The following NIBAN1 variants were observed in gnomAD, a reference collection of about 807,000 sequenced individuals.
The protein encoded by NIBAN1 is protein Niban 1.
In NIBAN1, 81 loss-of-function variants were observed where a neutral mutation model predicts 75.1. That is an observed-to-expected ratio of 1.08 (90% CI 0.90 to 1.30). NIBAN1 has a LOEUF of 1.30. Among genes scored for constraint, NIBAN1 ranks in the 50% most tolerant of loss-of-function variants. The pLI, the probability that NIBAN1 is intolerant of heterozygous loss-of-function variation, is 0.00. For missense variants in NIBAN1, 1,133 were observed against 1,128.1 expected (o/e 1.00, Z -0.06); for synonymous variants, 436 against 424.8 (o/e 1.03, Z -0.32).
chr1:184,913,137 G>GTATATATATATATATATGATATA (rs56098797), intron 1 of NIBAN1, among the ~76,000 whole-genome samples: 1 of 109,750 alleles, frequency 9.1e-6, no homozygotes, highest in Admixed American at 9.5e-5. Flanking sequence ...TATCATGCAG[G>GTATATATATATATATATGATATA]TATATATATA....
chr1:184,965,848 G>A (rs1014024966), intron 1 of NIBAN1, among the ~76,000 whole-genome samples: 38 of 152,190 alleles, frequency 2.5e-4, no homozygotes, highest in African/African-American at 9.2e-4. Flanking sequence ...GACTGATCAA[G>A]TCTCACTATC....
intron 12 of NIBAN1, among the ~76,000 whole-genome samples, chr1:184,802,925 C>T (rs1031192391): frequency 4.6e-5 from 7 of 152,144 alleles, no homozygotes; most frequent in African/African-American, 1.7e-4. Context: ...GGCTTAACCA[C>T]TCAGGTTTCC....
intron 5 of NIBAN1, among the ~76,000 whole-genome samples, chr1:184,877,222 T>C (rs762932053): frequency 5.9e-5 from 9 of 152,074 alleles, no homozygotes; most frequent in Admixed American, 3.9e-4. Flanking sequence ...AATATAATAC[T>C]GAACAAAAAG....
chr1:184,863,253 C>A (rs1313255714), intron 5 of NIBAN1, among the ~76,000 whole-genome samples: 1 of 152,162 alleles, frequency 6.6e-6, no homozygotes, highest in African/African-American at 2.4e-5. Context: ...CTACTGATAC[C>A]TTATTCTTAG....
rs1654382631 is a variant in NIBAN1 at position 184,811,636 on chromosome 1, C to G, written c.1174-3401G>C. Among the ~76,000 whole-genome samples, 4 of 151,354 alleles carry G rather than the reference C, an allele frequency of 2.6e-5. No homozygotes were observed. In the South Asian group the frequency reaches 8.4e-4, roughly 32 times the overall value. On this transcript the variant is annotated intron_variant, in intron 9 of 13. Coordinates refer to ENST00000367511, the MANE Select transcript of NIBAN1 (RefSeq NM_052966.4). ...CTCTTGCCTCAGCTGGGACTACAGG[C>G]ACCCCGCCACCACGCCCGGCTAATT...
rs567079914 is a variant in NIBAN1 at position 184,907,724 on chromosome 1, G to T, written c.56-8415C>A. On this transcript the variant is annotated intron_variant, in intron 1 of 13. Transcript: ENST00000367511. ...TGCCTTAGAGAACGGGGATAAATTG[G>T]ATTCTCCATAATTGAACTGAAGGGA... 2.6e-5 allele frequency among the ~76,000 whole-genome samples: 4 copies of T among 152,288 alleles called. No individual in the cohort carries two copies. In the South Asian group the frequency reaches 8.3e-4, roughly 32 times the overall value.
intron 9 of NIBAN1, among the ~76,000 whole-genome samples, chr1:184,812,034 C>T (rs911462006): frequency 2.0e-5 from 3 of 152,180 alleles, no homozygotes; most frequent in Admixed American, 6.5e-5. Context: ...AAGATCCTTT[C>T]GCTACTAACT....
chr1:184,886,788 A>C (rs1656536717), intron 4 of NIBAN1, among the ~76,000 whole-genome samples: 1 of 152,186 alleles, frequency 6.6e-6, no homozygotes, highest in East Asian at 1.9e-4. Flanking sequence ...AATACAAGGA[A>C]ATGAATCATG....
chr1:184,913,568 C>T (rs1657304973), intron 1 of NIBAN1, among the ~76,000 whole-genome samples: 1 of 152,148 alleles, frequency 6.6e-6, no homozygotes, highest in South Asian at 2.1e-4. Context: ...ATGGCAGTTA[C>T]ATATAATTGA....
intron 5 of NIBAN1, among the ~76,000 whole-genome samples, chr1:184,855,322 G>C (rs183972910): frequency 2.4e-4 from 37 of 152,292 alleles, no homozygotes; most frequent in Admixed American, 2.4e-3. Flanking sequence ...AGCATCCTTA[G>C]CAGCTGGGCA....
intron 3 of NIBAN1, among the ~76,000 whole-genome samples, chr1:184,890,689 G>C (rs534025208): frequency 2.1e-4 from 32 of 152,292 alleles, no homozygotes; most frequent in African/African-American, 7.0e-4. Context: ...AGTTACCATG[G>C]ATTTTCATCA....
At chr1:184,934,764 G>A (rs529443424) in intron 1 of NIBAN1, among the ~76,000 whole-genome samples, 10 of 150,900 alleles carry the variant, frequency 6.6e-5, no homozygotes, top group African/African-American at 9.8e-5. Context: ...GCATGGTGGC[G>A]CATGACTGTA....
intron 1 of NIBAN1, among the ~76,000 whole-genome samples, chr1:184,917,860 T>A (rs1194828287): frequency 6.6e-6 from 1 of 152,194 alleles, no homozygotes; most frequent in Non-Finnish European, 1.5e-5. Flanking sequence ...CCCTCTTTTT[T>A]ACCCTTAACC....
chr1:184,970,996 GAA>G (rs1200898244), intron 1 of NIBAN1, among the ~76,000 whole-genome samples: 2 of 152,152 alleles, frequency 1.3e-5, no homozygotes, highest in East Asian at 3.9e-4. Flanking sequence ...AAGCTTTACA[GAA>G]AAAGAGGCCG....
In NIBAN1 at chr1:184,974,361, G is replaced by T; in HGVS notation, c.-5C>A. 6.4e-7 allele frequency: 1 copy of T among 1,555,846 alleles called. No individual in the cohort carries two copies. On this transcript the variant is annotated 5_prime_UTR_variant, in exon 1 of 14. Transcript: ENST00000367511. Reference sequence around the variant, plus strand: ...GCTGGAGGCTGAGCCGCCCATGACCGCGAGCTGCCTGTGCTGAGCGCGGAA... The same window carrying T: ...GCTGGAGGCTGAGCCGCCCATGACCTCGAGCTGCCTGTGCTGAGCGCGGAA...
At position 184,795,497 on chromosome 1, in the gene NIBAN1, GC is replaced by G. The variant is rs748904031; in HGVS notation, c.2266del (p.Ala756LeufsTer36). On this transcript the variant is annotated frameshift_variant, in exon 14 of 14. Transcript: ENST00000367511. LOFTEE classifies it low-confidence loss of function (END_TRUNC). ...TTCACAGTTGTCGGGGTGGATGGCAGCTGCCTGACTGGGCTCTTTTTCCTCT... is the reference window on the plus strand; with the variant it reads ...TTCACAGTTGTCGGGGTGGATGGCAGTGCCTGACTGGGCTCTTTTTCCTCT... ...EEEEKEPSQA[A>X]AIHPDNCEES... 6.2e-7 allele frequency: 1 copy of G among 1,613,348 alleles called. No individual in the cohort carries two copies. The highest frequency in any genetic ancestry group is 1.1e-5 in the South Asian group (1 of 91,018).
intron 1 of NIBAN1, 99 bp downstream of exon 1, chr1:184,974,203 G>A (rs1659014139): frequency 1.4e-5 from 17 of 1,242,756 alleles, no homozygotes; most frequent in Non-Finnish European, 1.8e-5. Flanking sequence ...CGCGCTACAG[G>A]GAGAGGGCCC....
intron 5 of NIBAN1, among the ~76,000 whole-genome samples, chr1:184,835,103 T>C (rs528804930): frequency 1.3e-5 from 2 of 152,166 alleles, no homozygotes; most frequent in South Asian, 4.1e-4. Context: ...ATAGGGAATC[T>C]TTTCCCCATT....
At chr1:184,816,215 T>C (rs186419396) in intron 9 of NIBAN1, among the ~76,000 whole-genome samples, 1 of 152,310 alleles carries the variant, frequency 6.6e-6, no homozygotes, top group Non-Finnish European at 1.5e-5. Flanking sequence ...CTCTTGATAT[T>C]ATCCTCCCAA....
Sources: allele counts gnomAD v4.1 joint callset (sites outside exome capture counted in the v4.1 genomes callset), GRCh38; gene constraint gnomAD v4.1.1; transcripts MANE v1.5; gene names NCBI Gene and HGNC (gene_info 2026-07-23, HGNC 2026-07-21).